SLC9A9: variants seen among roughly 807,000 people sequenced by gnomAD.
The protein encoded by SLC9A9 is solute carrier family 9 member A9, also known as sodium/hydrogen exchanger 9.
Under a neutral mutation model 77.8 loss-of-function variants are expected in SLC9A9, and 62 were observed. The observed-to-expected ratio is 0.80, with a 90% CI of 0.65 to 0.98. The LOEUF is 0.98. Ranked by LOEUF, SLC9A9 falls within the 50% of genes least tolerant of loss-of-function variation. The probability of loss-of-function intolerance (pLI) is 0.00; values close to 1 mark genes in which losing one functional copy is unlikely to be tolerated. For missense variants in SLC9A9, 775 were observed against 774.9 expected (o/e 1.00, Z 0.00); for synonymous variants, 320 against 283.5 (o/e 1.13, Z -1.29).
intron 8 of SLC9A9, among the ~76,000 whole-genome samples, chr3:143,571,058 G>T (rs1271090323): frequency 6.6e-6 from 1 of 152,178 alleles, no homozygotes. Flanking sequence ...AATAAAAGGG[G>T]TGAAGTATGG....
At position 143,623,191 on chromosome 3, in the gene SLC9A9, G is replaced by A. The variant is rs146106983; in HGVS notation, c.755+29064C>T. On this transcript the variant is annotated intron_variant, in intron 6 of 15. Transcript: ENST00000316549. ...GAGACTTTAACACCCCACTGTCAAC[G>A]TCAGACAGATCAAGGAGACAGAAAA... Among the ~76,000 whole-genome samples, 1,234 of 152,126 alleles carry A rather than the reference G, an allele frequency of 8.1e-3. 17 individuals are homozygous for A. Among genetic ancestry groups the A allele is most frequent in the African/African-American group, 0.026 (1,063 of 41,506 alleles).
chr3:143,654,245 A>G (rs866973614), intron 5 of SLC9A9, among the ~76,000 whole-genome samples: 61 of 152,214 alleles, frequency 4.0e-4, no homozygotes, highest in African/African-American at 1.3e-3. Flanking sequence ...TGTGTACATA[A>G]TATATACAGT....
chr3:143,848,056 T>C lies in SLC9A9; in HGVS notation c.175+92A>G, dbSNP rs554670575. The C allele has an allele frequency of 3.6e-4, 435 of 1,193,210 alleles. 3 individuals carry two copies. Among genetic ancestry groups the C allele is most frequent in the South Asian group, 2.7e-3 (217 of 81,852 alleles). 73.9% of individuals were successfully genotyped at this position (1,193,210 alleles called of 1,614,324 possible). A position where few individuals can be genotyped will look rare whatever the true frequency, so the allele number is the denominator to read the frequency against. On this transcript the variant is annotated intron_variant, in intron 1 of 15. Coordinates refer to ENST00000316549, the MANE Select transcript of SLC9A9 (RefSeq NM_173653.4). ...TAATGACATTTCAATCAGCACATTT[T>C]CTCCAGTTTCGGTACTTTGCTATCT...
At chr3:143,544,924 A>G (rs2036760045) in intron 9 of SLC9A9, among the ~76,000 whole-genome samples, 1 of 152,132 alleles carries the variant, frequency 6.6e-6, no homozygotes, top group South Asian at 2.1e-4. Flanking sequence ...TTGAACAGGG[A>G]TTCTTCCCCA....
In SLC9A9 at chr3:143,552,400, T is replaced by C. The variant is rs1207946361; in HGVS notation, c.1051A>G (p.Asn351Asp). 6.2e-7 allele frequency: 1 copy of C among 1,613,166 alleles called. No homozygotes were observed. The highest frequency in any genetic ancestry group is 8.5e-7 in the Non-Finnish European group (1 of 1,179,542). ...CGVTQAHYTY[N>D]NLSSDSKIRT... ...ATTTTGGAATCCGAAGACAGATTGT[T>C]GTAGGTATAATGTGCTTGTGTGACT... Residue 351 changes from asparagine (N) to aspartate (D), a missense_variant, in exon 9 of 16, where the codon AAC (asparagine) becomes GAC (aspartate). By Grantham distance (23) the Asn-to-Asp change is conservative. Coordinates refer to ENST00000316549, the MANE Select transcript of SLC9A9 (RefSeq NM_173653.4).
At chr3:143,497,078 A>C (rs2035848236) in intron 9 of SLC9A9, among the ~76,000 whole-genome samples, 1 of 152,212 alleles carries the variant, frequency 6.6e-6, no homozygotes, top group Non-Finnish European at 1.5e-5. Context: ...TCACCTCCAA[A>C]TATCATCACA....
intron 12 of SLC9A9, among the ~76,000 whole-genome samples, chr3:143,455,018 A>G (rs1266787282): frequency 6.6e-6 from 1 of 152,184 alleles, no homozygotes; most frequent in African/African-American, 2.4e-5. Flanking sequence ...TTCAAAGTCT[A>G]CTGTGTCATA....
At chr3:143,318,919 G>A (rs58847489) in intron 14 of SLC9A9, among the ~76,000 whole-genome samples, 4,658 of 152,228 alleles carry the variant, frequency 0.031, 104 homozygotes, top group African/African-American at 0.066. Context: ...AGGTGGAGAG[G>A]AAAGTAAAAA....
intron 6 of SLC9A9, among the ~76,000 whole-genome samples, chr3:143,647,611 T>C (rs539847228): frequency 1.4e-4 from 22 of 152,236 alleles, no homozygotes; most frequent in Non-Finnish European, 2.8e-4. Context: ...TATGTCTTTA[T>C]TTTTTCTGAT....
chr3:143,658,051 G>C (rs2038921577), intron 5 of SLC9A9, among the ~76,000 whole-genome samples: 1 of 152,020 alleles, frequency 6.6e-6, no homozygotes, highest in South Asian at 2.1e-4. Flanking sequence ...ATTTTTAGTA[G>C]AGATGGAGTT....
chr3:143,842,300 G>A (rs375794357), intron 1 of SLC9A9, among the ~76,000 whole-genome samples: 50 of 152,282 alleles, frequency 3.3e-4, no homozygotes, highest in African/African-American at 1.2e-3. Context: ...AGAATGGCGT[G>A]AACCTGGGAG....
chr3:143,432,777 A>G (rs1038895606), intron 12 of SLC9A9, among the ~76,000 whole-genome samples: 15 of 151,960 alleles, frequency 9.9e-5, no homozygotes, highest in African/African-American at 3.6e-4. Flanking sequence ...ACAGGTATAT[A>G]CCCCCACACC....
At chr3:143,351,486 C>T (rs1055896181) in intron 14 of SLC9A9, among the ~76,000 whole-genome samples, 1 of 152,150 alleles carries the variant, frequency 6.6e-6, no homozygotes, top group African/African-American at 2.4e-5. Context: ...GGAAGGGTCT[C>T]AGCTGGAGAG....
At chr3:143,491,912 A>G (rs1190440739) in intron 11 of SLC9A9, among the ~76,000 whole-genome samples, 1 of 152,206 alleles carries the variant, frequency 6.6e-6, no homozygotes, top group African/African-American at 2.4e-5. Flanking sequence ...CTGGCTTCCC[A>G]TTTATGAGTG....
At chr3:143,811,092 C>T (rs1201970286) in intron 2 of SLC9A9, among the ~76,000 whole-genome samples, 4 of 152,166 alleles carry the variant, frequency 2.6e-5, no homozygotes, top group African/African-American at 9.7e-5. Flanking sequence ...GTTCCCCAAA[C>T]CACAGAGAAC....
chr3:143,656,189 A>G (rs371071260), intron 5 of SLC9A9, among the ~76,000 whole-genome samples: 3 of 152,350 alleles, frequency 2.0e-5, no homozygotes, highest in African/African-American at 7.2e-5. Flanking sequence ...TGCAAGTTTC[A>G]TGAAAAACTG....
chr3:143,753,082 A>C (rs1426367225), intron 4 of SLC9A9, among the ~76,000 whole-genome samples: 1 of 152,142 alleles, frequency 6.6e-6, no homozygotes, highest in Non-Finnish European at 1.5e-5. Flanking sequence ...CTTTATTTAC[A>C]CTTATTTGAA....
intron 14 of SLC9A9, among the ~76,000 whole-genome samples, chr3:143,322,684 T>C (rs958210584): frequency 6.6e-6 from 1 of 152,226 alleles, no homozygotes; most frequent in African/African-American, 2.4e-5. Context: ...TTTGTGTATG[T>C]GTTCAAACCA....
intron 2 of SLC9A9, among the ~76,000 whole-genome samples, chr3:143,817,923 C>G (rs1474597136): frequency 6.6e-6 from 1 of 152,086 alleles, no homozygotes; most frequent in African/African-American, 2.4e-5. Context: ...AAGCACATTT[C>G]TATCCATTAC....
Sources: allele counts gnomAD v4.1 joint callset (sites outside exome capture counted in the v4.1 genomes callset), GRCh38; gene constraint gnomAD v4.1.1; transcripts MANE v1.5; gene names NCBI Gene and HGNC (gene_info 2026-07-23, HGNC 2026-07-21).